Variants in KIAA0753 observed in about 807,000 individuals in gnomAD.
The protein encoded by KIAA0753 is KIAA0753.
Under a neutral mutation model 116.9 loss-of-function variants are expected in KIAA0753, and 114 were observed. The observed-to-expected ratio is 0.98, with a 90% CI of 0.84 to 1.14. The LOEUF (loss-of-function observed/expected upper bound fraction) is 1.14. Among genes scored for constraint, KIAA0753 ranks in the 50% most tolerant of loss-of-function variants. KIAA0753 has a pLI of 0.00. For synonymous variants in KIAA0753, 405 were observed against 413.1 expected, an observed-to-expected ratio of 0.98 and a Z score of 0.24; for missense variants, 1,156 against 1,172.4, an observed-to-expected ratio of 0.99 and a Z score of 0.20.
intron 2 of KIAA0753, among the ~76,000 whole-genome samples, chr17:6,631,657 T>C (rs192184914): frequency 6.6e-6 from 1 of 152,088 alleles, no homozygotes. Flanking sequence ...CGGGTGTGCA[T>C]TTATGAATGT....
intron 13 of KIAA0753, among the ~76,000 whole-genome samples, chr17:6,600,124 C>G (rs547507031): frequency 6.6e-5 from 10 of 152,214 alleles, no homozygotes; most frequent in Admixed American, 3.3e-4. Context: ...TCACTCGGAA[C>G]AGGGATTACA....
chr17:6,610,323 T>C (rs1235807426), intron 8 of KIAA0753, among the ~76,000 whole-genome samples, 163 bp from the exon 9 acceptor site: 2 of 137,204 alleles, frequency 1.5e-5, no homozygotes, highest in Non-Finnish European at 3.1e-5. Context: ...AGGGTGTAAA[T>C]TTCATTGAAA....
In KIAA0753 at chr17:6,620,830, G is replaced by A; in HGVS notation, c.1273C>T (p.Gln425Ter). ...RPLTAKDTFP[Q>*]ETSRPSVAKQ... ...GCTACAGAAGGTCGACTTGTTTCCT[G>A]TGGGAATGTGTCCTTTGCTGTGAGG... Residue 425 changes from glutamine (Q) to a stop codon, truncating the protein, a stop_gained, in exon 7 of 19, where the codon CAG (glutamine) becomes TAG (stop). Transcript: ENST00000361413. LOFTEE classifies it high-confidence loss of function. 1 of 1,614,198 alleles carries A rather than the reference G, an allele frequency of 6.2e-7. No individual in the cohort carries two copies.
chr17:6,606,887 T>A lies in KIAA0753; in HGVS notation c.1995A>T (p.Arg665Ser). 1.2e-6 allele frequency: 2 copies of A among 1,613,374 alleles called. No homozygotes were observed. The highest frequency in any genetic ancestry group is 1.7e-6 in the Non-Finnish European group (2 of 1,179,404). Residue 665 changes from arginine to serine, a missense_variant, in exon 12 of 19, where the codon AGA becomes AGT. By Grantham distance (110) the Arg-to-Ser change is moderately radical. Transcript: ENST00000361413. ...LNELKAEEMY[R>S]LQQLSVSATH... The stretch of plus-strand genomic sequence containing the variant: ...CAAACACATACCTCAATTGTTGGAG[T>A]CTATACATTTCTTCAGCTTTGAGCT...
intron 14 of KIAA0753, among the ~76,000 whole-genome samples, chr17:6,597,857 G>A (rs1389920823): frequency 6.6e-6 from 1 of 152,166 alleles, no homozygotes; most frequent in Non-Finnish European, 1.5e-5. Flanking sequence ...AGTTAACATA[G>A]TAAAAACAGT....
chr17:6,621,781 T>C (rs1041657644), intron 6 of KIAA0753, among the ~76,000 whole-genome samples: 1 of 152,236 alleles, frequency 6.6e-6, no homozygotes, highest in Non-Finnish European at 1.5e-5. Context: ...TATAGGATTA[T>C]GAAGATGTGT....
chr17:6,581,371 T>C (rs1234343743), intron 18 of KIAA0753, among the ~76,000 whole-genome samples: 3 of 152,220 alleles, frequency 2.0e-5, no homozygotes, highest in African/African-American at 7.2e-5. Flanking sequence ...AGAAGGATAG[T>C]GTGTCCCTTC....
Position 6,628,367 on chromosome 17 carries a change from C to T in KIAA0753, c.468G>A (p.Gln156=). The T allele has an allele frequency of 6.2e-7, 1 of 1,614,216 alleles. No homozygotes were observed. Among genetic ancestry groups the T allele is most frequent in the Non-Finnish European group, 8.5e-7 (1 of 1,180,026 alleles). Residue 156 remains glutamine, a synonymous_variant, in exon 3 of 19, where the codon CAG becomes CAA. Coordinates refer to ENST00000361413, the MANE Select transcript of KIAA0753 (RefSeq NM_014804.3). ...RKESKSQAAC[Q]CSHQPSKVEI... is the part of the protein sequence containing the mutation. ...CTACTTTGGATGGCTGGTGGCTACA[C>T]TGACAGGCTGCTTGACTCTTTGATT... is the stretch of plus-strand genomic sequence containing the variant.
At chr17:6,582,520 C>T (rs1968253709) in intron 18 of KIAA0753, among the ~76,000 whole-genome samples, 1 of 152,224 alleles carries the variant, frequency 6.6e-6, no homozygotes, top group African/African-American at 2.4e-5. Flanking sequence ...CCTTCTACCC[C>T]ATTCCCACCC....
At chr17:6,585,996 C>A (rs1394632037) in intron 18 of KIAA0753, among the ~76,000 whole-genome samples, 1 of 152,132 alleles carries the variant, frequency 6.6e-6, no homozygotes, top group Non-Finnish European at 1.5e-5. Flanking sequence ...GTAATCCCCA[C>A]TGCTGGAGGT....
chr17:6,606,730 T>C, intron 12 of KIAA0753, 143 bp downstream of exon 12: 1 of 607,524 alleles, frequency 1.6e-6, no homozygotes, highest in South Asian at 2.2e-5. Context: ...AAAAATATGG[T>C]ATAATATACA....
At chr17:6,616,160 T>C (rs1019229154) in intron 7 of KIAA0753, among the ~76,000 whole-genome samples, 1 of 152,222 alleles carries the variant, frequency 6.6e-6, no homozygotes, top group African/African-American at 2.4e-5. Flanking sequence ...TAATCTTAAG[T>C]GTTTTACTCA....
intron 9 of KIAA0753, among the ~76,000 whole-genome samples, chr17:6,609,247 C>T (rs373862424): frequency 2.0e-5 from 3 of 152,240 alleles, no homozygotes; most frequent in African/African-American, 7.2e-5. Flanking sequence ...CTCCCTTCTC[C>T]CCTGACATGA....
At chr17:6,626,761 T>C (rs1971694402) in intron 3 of KIAA0753, among the ~76,000 whole-genome samples, 1 of 152,244 alleles carries the variant, frequency 6.6e-6, no homozygotes, top group Non-Finnish European at 1.5e-5. Flanking sequence ...TTTATTATAG[T>C]TCACAAAGTA....
At chr17:6,621,027 T>C in intron 6 of KIAA0753, 29 bp from the exon 7 acceptor site, 2 of 1,604,052 alleles carry the variant, frequency 1.2e-6, no homozygotes, top group African/African-American at 1.3e-5. Flanking sequence ...ATTATTCTCT[T>C]AGTTTATCTC....
chr17:6,607,368 G>A, intron 10 of KIAA0753, 98 bp from the exon 11 acceptor site: 1 of 910,834 alleles, frequency 1.1e-6, no homozygotes, highest in Non-Finnish European at 1.8e-6. Flanking sequence ...CTGCAGAGCA[G>A]AGCACCAATC....
At chr17:6,628,004 T>G (rs924044326) in intron 3 of KIAA0753, 113 bp downstream of exon 3, 3 of 1,050,678 alleles carry the variant, frequency 2.9e-6, no homozygotes, top group Admixed American at 2.6e-5. Context: ...GTGAACCAAC[T>G]CACAGAAGGA....
rs1246677390 is a variant in KIAA0753, at chr17:6,628,653, T to C, written c.182A>G (p.Lys61Arg). Residue 61 changes from lysine (K) to arginine (R), a missense_variant, in exon 3 of 19, where the codon AAA becomes AGA. By Grantham distance (26) the Lys-to-Arg change is conservative. Transcript: ENST00000361413. ...YSCPHAIRIE[K>R]LKHSYNESYH... ...TGATTCATTGTATGAGTGCTTCAGT[T>C]TTTCAATTCTAATGGCATGTGGGCA... The C allele has an allele frequency of 6.2e-7, 1 of 1,614,120 alleles. No individual in the cohort carries two copies. The highest frequency in any genetic ancestry group is 2.2e-5 in the East Asian group (1 of 44,880).
intron 9 of KIAA0753, 117 bp from the exon 10 acceptor site, chr17:6,608,581 C>G: frequency 2.1e-6 from 1 of 487,026 alleles, no homozygotes; most frequent in East Asian, 3.2e-5. Flanking sequence ...ATCTGTAGCA[C>G]GGGGCCCTAC....
Sources: allele counts gnomAD v4.1 joint callset (sites outside exome capture counted in the v4.1 genomes callset), GRCh38; gene constraint gnomAD v4.1.1; transcripts MANE v1.5; gene names NCBI Gene and HGNC (gene_info 2026-07-23, HGNC 2026-07-21).